The following AKR1C3 variants were observed in gnomAD, a reference collection of about 807,000 sequenced individuals.
AKR1C3 encodes aldo-keto reductase family 1 member C3.
A neutral mutation model predicts 43.6 loss-of-function variants in AKR1C3; 48 were observed. That is an observed-to-expected ratio of 1.10 (90% CI 0.87 to 1.40). AKR1C3 has a LOEUF of 1.40. Among genes scored for constraint, AKR1C3 ranks in the 40% most tolerant of loss-of-function variants. AKR1C3 has a pLI of 0.00. For synonymous variants in AKR1C3, 162 were observed against 139.6 expected (o/e 1.16, Z -1.13); for missense variants, 482 against 391.2 (o/e 1.23, Z -1.96).
intron 5 of AKR1C3, among the ~76,000 whole-genome samples, chr10:5,101,363 TTTTC>T (rs1554785948): frequency 1.3e-5 from 2 of 152,168 alleles, no homozygotes; most frequent in African/African-American, 4.8e-5. Context: ...TAGATAATCA[TTTTC>T]AATTTTAAAA....
intron 1 of AKR1C3, among the ~76,000 whole-genome samples, chr10:5,062,054 A>G (rs1366754348): frequency 1.3e-5 from 2 of 152,366 alleles, no homozygotes; most frequent in African/African-American, 2.4e-5. Flanking sequence ...ATTCTTTCAC[A>G]TAGTTTTTAG....
At chr10:5,070,437 G>T (rs1838594428) in intron 1 of AKR1C3, among the ~76,000 whole-genome samples, 1 of 152,362 alleles carries the variant, frequency 6.6e-6, no homozygotes, top group South Asian at 2.1e-4. Context: ...AGTGGCTCAA[G>T]GGCCTCGTTA....
intron 1 of AKR1C3, among the ~76,000 whole-genome samples, chr10:5,055,949 G>A (rs532520013): frequency 5.8e-4 from 89 of 152,264 alleles, no homozygotes; most frequent in Admixed American, 1.2e-3. Context: ...GGCTGTATTC[G>A]TTCCTTGCTG....
intron 1 of AKR1C3, among the ~76,000 whole-genome samples, chr10:5,087,940 A>G (rs1038967827): frequency 6.6e-6 from 1 of 151,900 alleles, no homozygotes; most frequent in Non-Finnish European, 1.5e-5. Flanking sequence ...AGGTCTTTCT[A>G]TCTTTTCAGG....
chr10:5,098,980 G>T (rs1194779953), intron 4 of AKR1C3, 101 bp downstream of exon 4: 1 of 1,014,846 alleles, frequency 9.9e-7, no homozygotes, highest in Non-Finnish European at 1.5e-6. Context: ...ATTAGATCTA[G>T]AAATTCAGAA....
chr10:5,080,222 G>A (rs937280794), intron 1 of AKR1C3, among the ~76,000 whole-genome samples: 5 of 152,130 alleles, frequency 3.3e-5, no homozygotes, highest in Non-Finnish European at 2.9e-5. Context: ...GTATGGGAAT[G>A]TGAATGAGTG....
rs781971815 is a variant in AKR1C3, at chr10:5,098,817, T to C, written c.385T>C (p.Ser129Pro). The stretch of plus-strand genomic sequence containing the variant: ...TCTATTTCAGCCAGGTGAGGAACTT[T>C]CACCAACAGATGAAAATGGAAAAGT... The part of the protein sequence containing the change: ...PMSLKPGEEL[S>P]PTDENGKVIF... The change falls in exon 4 of 9, where the codon TCA becomes CCA. Residue 129 changes from serine (S) to proline (P), a missense_variant. Physicochemically the swap from Ser to Pro is moderately conservative, Grantham distance 74. Transcript: ENST00000380554. The C allele has an allele frequency of 3.7e-6, 6 of 1,613,752 alleles. No homozygotes were observed. Among genetic ancestry groups the C allele is most frequent in the Non-Finnish European group, 5.1e-6 (6 of 1,179,862 alleles).
upstream of AKR1C3, among the ~76,000 whole-genome samples, chr10:5,093,070 C>G (rs1253232377): frequency 1.3e-5 from 2 of 152,018 alleles, no homozygotes. Flanking sequence ...GTAGTTCCCC[C>G]AAATACCTAC....
chr10:5,073,644 G>C (rs1554781532), intron 1 of AKR1C3, among the ~76,000 whole-genome samples: 1 of 152,172 alleles, frequency 6.6e-6, no homozygotes, highest in Admixed American at 6.5e-5. Context: ...AGAGGGCCAA[G>C]GGCAGAGCAT....
At chr10:5,099,286 C>T in intron 4 of AKR1C3, 41 bp from the exon 5 acceptor site, 1 of 1,612,714 alleles carries the variant, frequency 6.2e-7, no homozygotes, top group Non-Finnish European at 8.5e-7. Context: ...TGATTTGCAG[C>T]CAACTGCACA....
intron 1 of AKR1C3, among the ~76,000 whole-genome samples, chr10:5,066,786 G>A (rs1554780839): frequency 1.3e-5 from 2 of 152,210 alleles, no homozygotes; most frequent in Non-Finnish European, 2.9e-5. Context: ...GCCAGCTGCA[G>A]CATAGATACT....
chr10:5,070,256 C>T (rs1032272219), intron 1 of AKR1C3, among the ~76,000 whole-genome samples: 14 of 152,198 alleles, frequency 9.2e-5, no homozygotes, highest in South Asian at 8.3e-4. Flanking sequence ...TGGAATTTCT[C>T]CTGGCTGGCT....
chr10:5,053,064 A>G (rs1838185119), intron 1 of AKR1C3, among the ~76,000 whole-genome samples: 1 of 149,422 alleles, frequency 6.7e-6, no homozygotes, highest in African/African-American at 2.6e-5. Flanking sequence ...CACCAGACTC[A>G]GGAGCCCAGC....
intron 1 of AKR1C3, among the ~76,000 whole-genome samples, chr10:5,077,229 C>T (rs1211620242): frequency 1.3e-5 from 2 of 152,122 alleles, no homozygotes; most frequent in Admixed American, 6.5e-5. Context: ...CAAAGGGGCC[C>T]TGTATCCCCA....
intron 5 of AKR1C3, 61 bp downstream of exon 5, chr10:5,099,510 C>T: frequency 3.1e-6 from 5 of 1,607,438 alleles, no homozygotes; most frequent in Non-Finnish European, 4.3e-6. Flanking sequence ...TGTCCTATTG[C>T]CAAATATCTG....
chr10:5,099,354 T>C lies in AKR1C3; in HGVS notation c.475T>C (p.Leu159=), dbSNP rs1839291648. 9 of 1,614,154 alleles carry C rather than the reference T, an allele frequency of 5.6e-6. No individual in the cohort carries two copies. Among genetic ancestry groups the C allele is most frequent in the South Asian group, 1.1e-5 (1 of 91,082 alleles). ...CATGGAGAAGTGTAAGGATGCAGGA[T>C]TGGCCAAGTCCATTGGGGTGTCAAA... is the stretch of plus-strand genomic sequence containing the variant. ...EAMEKCKDAG[L]AKSIGVSNFN... Residue 159 remains leucine (L), a synonymous_variant, in exon 5 of 9, where the codon TTG becomes CTG. Transcript: ENST00000380554.
chr10:5,088,913 T>C (rs1839028981), intron 1 of AKR1C3, among the ~76,000 whole-genome samples: 1 of 152,054 alleles, frequency 6.6e-6, no homozygotes, highest in Non-Finnish European at 1.5e-5. Flanking sequence ...CCTGTGTACT[T>C]CATGTCCTTT....
intron 1 of AKR1C3, among the ~76,000 whole-genome samples, chr10:5,072,856 T>C (rs1554781457): frequency 2.6e-5 from 4 of 152,220 alleles, no homozygotes; most frequent in African/African-American, 9.6e-5. Flanking sequence ...AGGATTATAT[T>C]TCTTGGCTAT....
intron 1 of AKR1C3, among the ~76,000 whole-genome samples, chr10:5,075,117 G>A (rs1554781684): frequency 6.6e-6 from 1 of 152,066 alleles, no homozygotes. Flanking sequence ...CAAGACCTCT[G>A]CTAGCCAGGC....
Sources: allele counts gnomAD v4.1 joint callset (sites outside exome capture counted in the v4.1 genomes callset), GRCh38; gene constraint gnomAD v4.1.1; transcripts MANE v1.5; gene names NCBI Gene and HGNC (gene_info 2026-07-23, HGNC 2026-07-21).